The following PHKB variants were observed in gnomAD, a reference collection of about 807,000 sequenced individuals.
The protein encoded by PHKB is phosphorylase b kinase regulatory subunit beta.
Under a neutral mutation model 152.1 loss-of-function variants are expected in PHKB, and 122 were observed. The observed-to-expected ratio is 0.80, with a 90% CI of 0.69 to 0.93. PHKB has a LOEUF of 0.93. PHKB is among the 40% of genes least tolerant of loss of function. The probability of loss-of-function intolerance (pLI) is 0.00; values close to 1 mark genes in which losing one functional copy is unlikely to be tolerated. For synonymous variants in PHKB, 436 were observed against 464.9 expected (o/e 0.94, Z 0.80); for missense variants, 1,304 against 1,328.4 (o/e 0.98, Z 0.29).
At chr16:47,648,728 T>G in intron 17 of PHKB, 112 bp downstream of exon 17, 1 of 752,706 alleles carries the variant, frequency 1.3e-6, no homozygotes, top group Non-Finnish European at 2.4e-6. Flanking sequence ...CTCAGACTAC[T>G]TATCTGAAGT....
intron 6 of PHKB, among the ~76,000 whole-genome samples, chr16:47,521,274 T>A (rs779923657): frequency 6.6e-6 from 1 of 152,232 alleles, no homozygotes; most frequent in Non-Finnish European, 1.5e-5. Flanking sequence ...GATGCTCCAA[T>A]ACAATCTTGA....
intron 1 of PHKB, chr16:47,463,904 C>G (rs1333482358): frequency 1.2e-6 from 2 of 1,613,066 alleles, no homozygotes; most frequent in Non-Finnish European, 8.5e-7. Context: ...TATAGCTTAG[C>G]CTGCGACGCT....
chr16:47,678,741 G>T (rs1973786912), intron 26 of PHKB, among the ~76,000 whole-genome samples: 1 of 151,784 alleles, frequency 6.6e-6, no homozygotes, highest in African/African-American at 2.4e-5. Context: ...TCTGATGGTG[G>T]TTTCTTTTGC....
intron 7 of PHKB, among the ~76,000 whole-genome samples, chr16:47,574,298 C>A (rs1340420030): frequency 1.3e-5 from 2 of 152,186 alleles, no homozygotes; most frequent in African/African-American, 4.8e-5. Context: ...TTGCCCAGTT[C>A]CCCAGTGTCA....
chr16:47,608,327 T>G (rs1972364899), intron 13 of PHKB, among the ~76,000 whole-genome samples: 1 of 152,264 alleles, frequency 6.6e-6, no homozygotes, highest in Non-Finnish European at 1.5e-5. Flanking sequence ...TTTAACTCTT[T>G]GATCTATTTT....
chr16:47,669,195 TA>T lies in PHKB; in HGVS notation c.2428-16del, dbSNP rs1405578455. On this transcript the variant is annotated intron_variant, in intron 25 of 30. Coordinates refer to ENST00000323584, the MANE Select transcript of PHKB (RefSeq NM_000293.3). Reference sequence around the variant, plus strand: ...TTTAGTAGCTAGGAGAATTTTACAATAAAATTCTGCCACTTGTAGGTAACTC... The same window carrying T: ...TTTAGTAGCTAGGAGAATTTTACAATAAATTCTGCCACTTGTAGGTAACTC... The T allele has an allele frequency of 6.3e-7, 1 of 1,598,162 alleles. No homozygotes were observed. The highest frequency in any genetic ancestry group is 8.6e-7 in the Non-Finnish European group (1 of 1,165,614).
In PHKB at chr16:47,669,427, G is replaced by A. The variant is rs1973599412; in HGVS notation, c.2630+10G>A. The A allele has an allele frequency of 1.9e-6, 3 of 1,612,364 alleles. No individual in the cohort carries two copies. The highest frequency in any genetic ancestry group is 2.5e-6 in the Non-Finnish European group (3 of 1,178,378). Reference sequence around the variant, plus strand: ...TGAAAATACGAATCGGGTGAGTGAAGTCCTTTGCATTTGCATAAAGAGAAT... The same window carrying A: ...TGAAAATACGAATCGGGTGAGTGAAATCCTTTGCATTTGCATAAAGAGAAT... On this transcript the variant is annotated intron_variant, in intron 26 of 30. Coordinates refer to ENST00000323584, the MANE Select transcript of PHKB (RefSeq NM_000293.3).
Position 47,537,902 on chromosome 16 carries a change from C to CTCTCTCTCTT in PHKB, c.595-9530_595-9529insCTCTCTCTTT, listed in dbSNP as rs71380327. ...TCTCTCTCTCTCTCTCTCTCTCTCT[C>CTCTCTCTCTT]TTTTTAAGTTGAGGCAAGGTCTCTC... On this transcript the variant is annotated intron_variant, in intron 6 of 30. Coordinates refer to ENST00000323584, the MANE Select transcript of PHKB (RefSeq NM_000293.3). 3.6e-3 allele frequency among the ~76,000 whole-genome samples: 535 copies of CTCTCTCTCTT among 149,290 alleles called. 1 individual carries two copies. The highest frequency in any genetic ancestry group is 0.013 in the African/African-American group (520 of 39,614).
At position 47,566,720 on chromosome 16, in the gene PHKB, A is replaced by G. The variant is rs1042077262; in HGVS notation, c.711-13575A>G. 1.7e-5 allele frequency: 13 copies of G among 770,990 alleles called. No homozygotes were observed. In the African/African-American group the frequency reaches 2.0e-4, roughly 12 times the overall value. The allele number at this position is 770,990 out of a possible 1,614,324, so 47.8% of individuals were successfully genotyped here. ...TTGGAGGTGCCCTATACACATCTTC[A>G]TCATTACTGTTCCAAGTTGTTGAAA... On this transcript the variant is annotated intron_variant, in intron 7 of 30. Coordinates refer to ENST00000323584, the MANE Select transcript of PHKB (RefSeq NM_000293.3).
chr16:47,615,678 A>G (rs1190116860), intron 14 of PHKB, among the ~76,000 whole-genome samples: 1 of 152,248 alleles, frequency 6.6e-6, no homozygotes, highest in Non-Finnish European at 1.5e-5. Context: ...GCCTCTGGCC[A>G]GTCCAGTCTG....
intron 6 of PHKB, among the ~76,000 whole-genome samples, chr16:47,532,405 G>T (rs1970876707): frequency 6.6e-6 from 1 of 152,224 alleles, no homozygotes; most frequent in Non-Finnish European, 1.5e-5. Context: ...TCTGTGGCCA[G>T]TGGCACCTTT....
At chr16:47,628,602 G>A (rs1972755763) in intron 14 of PHKB, among the ~76,000 whole-genome samples, 2 of 152,150 alleles carry the variant, frequency 1.3e-5, no homozygotes, top group South Asian at 4.1e-4. Flanking sequence ...TTAGAATTAT[G>A]AGCTTTACAT....
At chr16:47,516,325 G>C (rs1970596968) in intron 6 of PHKB, among the ~76,000 whole-genome samples, 3 of 152,244 alleles carry the variant, frequency 2.0e-5, no homozygotes, top group Admixed American at 6.5e-5. Flanking sequence ...TAGGATCTCA[G>C]TAGGATTCTT....
intron 13 of PHKB, 101 bp downstream of exon 13, chr16:47,596,632 T>C (rs1292376935): frequency 8.9e-7 from 1 of 1,127,478 alleles, no homozygotes; most frequent in Non-Finnish European, 1.3e-6. Flanking sequence ...GGGTGGTGTT[T>C]CATGGTCTTG....
chr16:47,573,761 A>C (rs1282042809), intron 7 of PHKB, among the ~76,000 whole-genome samples: 3 of 152,190 alleles, frequency 2.0e-5, no homozygotes, highest in African/African-American at 7.2e-5. Flanking sequence ...AATGGGGTTT[A>C]TACCCACAGT....
chr16:47,595,563 C>T (rs1050622344), intron 12 of PHKB, among the ~76,000 whole-genome samples: 10 of 152,060 alleles, frequency 6.6e-5, no homozygotes, highest in African/African-American at 2.2e-4. Context: ...AGATAATGGG[C>T]TTAATGTTTA....
At chr16:47,498,591 G>A (rs1305577911) in intron 2 of PHKB, among the ~76,000 whole-genome samples, 1 of 152,154 alleles carries the variant, frequency 6.6e-6, no homozygotes, top group Non-Finnish European at 1.5e-5. Context: ...TCTGCCTTTG[G>A]AAAACTATCC....
chr16:47,596,681 T>A (rs193079386), intron 13 of PHKB, 150 bp downstream of exon 13: 3 of 696,080 alleles, frequency 4.3e-6, no homozygotes, highest in Admixed American at 4.9e-5. Flanking sequence ...TAGTGGTATA[T>A]TAATATATCT....
At chr16:47,634,410 G>A (rs1781030645) in intron 14 of PHKB, among the ~76,000 whole-genome samples, 1 of 152,244 alleles carries the variant, frequency 6.6e-6, no homozygotes, top group African/African-American at 2.4e-5. Flanking sequence ...TATGTTCCAT[G>A]TGTGGGGAGG....
Sources: allele counts gnomAD v4.1 joint callset (sites outside exome capture counted in the v4.1 genomes callset), GRCh38; gene constraint gnomAD v4.1.1; transcripts MANE v1.5; gene names NCBI Gene and HGNC (gene_info 2026-07-23, HGNC 2026-07-21).